ADCY2: variants seen among roughly 807,000 people sequenced by gnomAD.
The protein encoded by ADCY2 is adenylate cyclase type 2.
In ADCY2, 31 loss-of-function variants were observed where a neutral mutation model predicts 125.2. The observed-to-expected ratio is 0.25, with a 90% CI of 0.19 to 0.33. The LOEUF (loss-of-function observed/expected upper bound fraction) is 0.33. Ranked by LOEUF, ADCY2 falls within the 10% of genes least tolerant of loss-of-function variation. The probability of loss-of-function intolerance (pLI) is 1.00; values close to 1 mark genes in which losing one functional copy is unlikely to be tolerated. For synonymous variants in ADCY2, 512 were observed against 548.4 expected (o/e 0.93, Z 0.93); for missense variants, 904 against 1,418.2 (o/e 0.64, Z 5.82).
intron 8 of ADCY2, among the ~76,000 whole-genome samples, 187 bp downstream of exon 8, chr5:7,707,089 G>A (rs373126277): frequency 2.5e-4 from 38 of 152,216 alleles, no homozygotes; most frequent in Middle Eastern, 3.4e-3. Context: ...CCTGCGTCAC[G>A]ACCCCGTTGT....
Position 7,709,456 on chromosome 5 carries a change from G to A in ADCY2, c.1578+69G>A. 1.4e-6 allele frequency: 2 copies of A among 1,452,560 alleles called. No individual in the cohort carries two copies. Among genetic ancestry groups the A allele is most frequent in the Non-Finnish European group, 1.8e-6 (2 of 1,098,996 alleles). The allele number at this position is 1,452,560 out of a possible 1,614,324, so 90.0% of individuals were successfully genotyped here. On this transcript the variant is annotated intron_variant, in intron 10 of 24. Coordinates refer to ENST00000338316, the MANE Select transcript of ADCY2 (RefSeq NM_020546.3). This position sits in a 1 kb window ranked among gnomAD's most constrained non-coding sequence, Gnocchi z 4.4. The stretch of plus-strand genomic sequence containing the variant: ...CTAACTTCCCAAAACCAAAGGCTGG[G>A]CATCTCCTGCCAAAATAACTCCTTT...
chr5:7,438,604 A>G (rs1740896829), intron 2 of ADCY2, among the ~76,000 whole-genome samples: 1 of 152,170 alleles, frequency 6.6e-6, no homozygotes, highest in African/African-American at 2.4e-5. Context: ...GAGCAGCAAT[A>G]GCCAGAAACA....
At chr5:7,585,519 A>T (rs1394200549) in intron 3 of ADCY2, among the ~76,000 whole-genome samples, 1 of 152,260 alleles carries the variant, frequency 6.6e-6, no homozygotes, top group Non-Finnish European at 1.5e-5. Context: ...ACTGGAATGA[A>T]TGCTAATGCA....
chr5:7,473,975 T>A (rs1258058039), intron 2 of ADCY2, among the ~76,000 whole-genome samples: 5 of 152,236 alleles, frequency 3.3e-5, no homozygotes, highest in African/African-American at 1.2e-4. Context: ...TTCCGTTTGT[T>A]CAGCCACAAA....
chr5:7,542,293 A>G (rs1184584161), intron 3 of ADCY2, among the ~76,000 whole-genome samples: 1 of 152,010 alleles, frequency 6.6e-6, no homozygotes, highest in African/African-American at 2.4e-5. Context: ...ACTGGGGATG[A>G]GTTTTATTTT....
At chr5:7,477,744 G>A (rs952638148) in intron 2 of ADCY2, among the ~76,000 whole-genome samples, 3 of 152,148 alleles carry the variant, frequency 2.0e-5, no homozygotes, top group East Asian at 3.8e-4. Context: ...TCAGAACTAA[G>A]TCTAGAGAAT....
intron 3 of ADCY2, among the ~76,000 whole-genome samples, chr5:7,546,764 G>A (rs944536286): frequency 2.5e-4 from 38 of 152,270 alleles, no homozygotes; most frequent in Middle Eastern, 3.4e-3. Flanking sequence ...TCTCCAGCTC[G>A]CCTCTCTTTC....
chr5:7,489,559 C>G (rs576406213), intron 2 of ADCY2, among the ~76,000 whole-genome samples: 1 of 152,162 alleles, frequency 6.6e-6, no homozygotes, highest in Non-Finnish European at 1.5e-5. Flanking sequence ...TTCCCCTGCA[C>G]GAGCTCTCTT....
chr5:7,751,089 C>G (rs1034465581), intron 15 of ADCY2, among the ~76,000 whole-genome samples: 1 of 152,108 alleles, frequency 6.6e-6, no homozygotes, highest in African/African-American at 2.4e-5. Flanking sequence ...TTCATAGCCT[C>G]TCCCATTCAC....
chr5:7,673,563 G>A (rs1740013503), intron 4 of ADCY2, among the ~76,000 whole-genome samples: 1 of 152,078 alleles, frequency 6.6e-6, no homozygotes, highest in Admixed American at 6.5e-5. Context: ...ATCGAGGTAG[G>A]GTCCACCCTG....
chr5:7,764,181 C>G (rs897959533), intron 16 of ADCY2, among the ~76,000 whole-genome samples: 3 of 152,144 alleles, frequency 2.0e-5, no homozygotes, highest in African/African-American at 7.2e-5. Context: ...ATACCAACAC[C>G]TCAATCAAAA....
At chr5:7,636,895 C>T (rs1360537598) in intron 4 of ADCY2, among the ~76,000 whole-genome samples, 2 of 152,056 alleles carry the variant, frequency 1.3e-5, no homozygotes, top group African/African-American at 2.4e-5. Flanking sequence ...ACAGGAGGTG[C>T]GGAAGCCATG....
At chr5:7,494,513 A>G (rs1743278131) in intron 2 of ADCY2, among the ~76,000 whole-genome samples, 1 of 152,070 alleles carries the variant, frequency 6.6e-6, no homozygotes, top group African/African-American at 2.4e-5. Context: ...TTCAAAACTG[A>G]GCTGGGTACT....
chr5:7,697,528 T>G (rs1166112370), intron 6 of ADCY2, among the ~76,000 whole-genome samples: 1 of 152,206 alleles, frequency 6.6e-6, no homozygotes, highest in Non-Finnish European at 1.5e-5. Context: ...AGTCTCAGAA[T>G]AGCTGTTTGG....
At chr5:7,784,788 A>T (rs1316074569) in intron 19 of ADCY2, among the ~76,000 whole-genome samples, 1 of 150,800 alleles carries the variant, frequency 6.6e-6, no homozygotes, top group East Asian at 2.0e-4. Flanking sequence ...AAAAAAAAAA[A>T]TCTCCCCTTG....
intron 3 of ADCY2, among the ~76,000 whole-genome samples, chr5:7,617,798 G>A (rs1737815567): frequency 6.6e-6 from 1 of 152,222 alleles, no homozygotes; most frequent in Non-Finnish European, 1.5e-5. Flanking sequence ...ACACTGTGGG[G>A]AGAGTGCTTT....
intron 3 of ADCY2, among the ~76,000 whole-genome samples, chr5:7,591,018 C>T (rs1736835184): frequency 6.6e-6 from 1 of 152,158 alleles, no homozygotes; most frequent in Admixed American, 6.6e-5. Flanking sequence ...ATTTCATACA[C>T]ATCTTCAAAA....
chr5:7,750,732 T>C (rs1396151966), intron 15 of ADCY2, among the ~76,000 whole-genome samples: 3 of 152,034 alleles, frequency 2.0e-5, no homozygotes, highest in Non-Finnish European at 4.4e-5. Flanking sequence ...TCCATCTAAC[T>C]GTTGTAGACA....
chr5:7,636,366 T>C (rs1738503975), intron 4 of ADCY2, among the ~76,000 whole-genome samples: 1 of 152,184 alleles, frequency 6.6e-6, no homozygotes, highest in African/African-American at 2.4e-5. Context: ...TCGGTGGGTT[T>C]AGAACAAGCA....
Sources: gnomAD v4.1 joint callset for allele counts (sites outside exome capture counted in the v4.1 genomes callset) on GRCh38, gnomAD v4.1.1 for gene constraint, Gnocchi (gnomAD v3.1) non-coding constraint, MANE v1.5 for transcripts, NCBI Gene and HGNC (gene_info 2026-07-23, HGNC 2026-07-21) for gene names.